The following CNTN1 variants were observed in gnomAD, a reference collection of about 807,000 sequenced individuals.
CNTN1 encodes the protein contactin-1.
Under a neutral mutation model 126.4 loss-of-function variants are expected in CNTN1, and 38 were observed. The observed-to-expected ratio is 0.30, with a 90% confidence interval of 0.23 to 0.39. The LOEUF (loss-of-function observed/expected upper bound fraction) is 0.39. Among genes scored for constraint, CNTN1 ranks in the 10% least tolerant of loss-of-function variants. CNTN1 has a pLI of 1.00. For synonymous variants in CNTN1, 413 were observed against 422.6 expected (o/e 0.98, Z 0.28); for missense variants, 1,009 against 1,248.4 (o/e 0.81, Z 2.89).
At chr12:40,721,327 G>C (rs1942204665) in intron 1 of CNTN1, among the ~76,000 whole-genome samples, 1 of 151,940 alleles carries the variant, frequency 6.6e-6, no homozygotes, top group African/African-American at 2.4e-5. Context: ...ATAAAAATAG[G>C]CAGGACCACC....
At chr12:40,715,518 A>C (rs1942027575) in intron 1 of CNTN1, among the ~76,000 whole-genome samples, 1 of 152,194 alleles carries the variant, frequency 6.6e-6, no homozygotes, top group Non-Finnish European at 1.5e-5. Flanking sequence ...TTGATATTAA[A>C]AAACAACTAA....
intron 1 of CNTN1, among the ~76,000 whole-genome samples, chr12:40,705,897 AT>A (rs1317429944): frequency 2.0e-5 from 3 of 151,896 alleles, no homozygotes; most frequent in Non-Finnish European, 4.4e-5. Context: ...GAGGTGCTGC[AT>A]GCTTTAACAA....
intron 1 of CNTN1, among the ~76,000 whole-genome samples, chr12:40,722,168 G>T (rs908406341): frequency 2.0e-5 from 3 of 152,064 alleles, no homozygotes; most frequent in Non-Finnish European, 4.4e-5. Context: ...TTATAATATG[G>T]AAATTCAAAC....
At chr12:40,882,430 G>A (rs1008257272) in intron 1 of CNTN1, among the ~76,000 whole-genome samples, 1 of 151,692 alleles carries the variant, frequency 6.6e-6, no homozygotes, top group Admixed American at 6.6e-5. Context: ...AGTCATTCCA[G>A]TATGAAAATA....
chr12:40,767,135 T>C (rs967528681), intron 1 of CNTN1, among the ~76,000 whole-genome samples: 9 of 152,072 alleles, frequency 5.9e-5, no homozygotes, highest in African/African-American at 2.2e-4. Context: ...ATATTTTTAA[T>C]ATGATCAAGG....
chr12:40,982,120 G>T (rs1191887640), intron 16 of CNTN1, among the ~76,000 whole-genome samples: 1 of 151,844 alleles, frequency 6.6e-6, no homozygotes, highest in Non-Finnish European at 1.5e-5. Context: ...ATAAACTTGA[G>T]GTCTGTTGCA....
intron 1 of CNTN1, among the ~76,000 whole-genome samples, chr12:40,809,400 G>T (rs1029898647): frequency 2.0e-5 from 3 of 152,090 alleles, no homozygotes; most frequent in Admixed American, 6.5e-5. Context: ...TTAGTTTGGG[G>T]CAGGAAATAA....
rs5797694 is a variant in CNTN1, at chr12:40,980,448, CAAA to C, written c.1805-447_1805-445del. Reference sequence around the variant, plus strand: ...TGGGTGACAGAGTGAGACCCTAACTCAAAAAAAAAAAAAAAAGCCACAAAGAAC... The same window carrying C: ...TGGGTGACAGAGTGAGACCCTAACTCAAAAAAAAAAAAAGCCACAAAGAAC... On this transcript the variant is annotated intron_variant, in intron 15 of 23. Coordinates refer to ENST00000551295, the MANE Select transcript of CNTN1 (RefSeq NM_001843.4). 4.2e-4 allele frequency among the ~76,000 whole-genome samples: 54 copies of C among 128,566 alleles called. 1 individual carries two copies. The highest frequency in any genetic ancestry group is 7.2e-4 in the African/African-American group (24 of 33,548). The allele number at this position is 128,566 out of a possible 152,430, so 84.3% of individuals were successfully genotyped here.
intron 1 of CNTN1, among the ~76,000 whole-genome samples, chr12:40,784,988 G>A (rs1196113688): frequency 6.6e-6 from 1 of 151,920 alleles, no homozygotes; most frequent in Non-Finnish European, 1.5e-5. Flanking sequence ...CTAAATTCAA[G>A]GCATTTCCTA....
intron 3 of CNTN1, among the ~76,000 whole-genome samples, chr12:40,915,543 T>C (rs1945197662): frequency 6.6e-6 from 1 of 152,110 alleles, no homozygotes; most frequent in African/African-American, 2.4e-5. Context: ...ATTTAATCAC[T>C]ACTATATTCC....
At chr12:40,887,710 C>T (rs1288113153) in intron 1 of CNTN1, among the ~76,000 whole-genome samples, 1 of 151,932 alleles carries the variant, frequency 6.6e-6, no homozygotes, top group Non-Finnish European at 1.5e-5. Flanking sequence ...AAGACACATG[C>T]ACACGTATGT....
At chr12:40,865,837 C>T (rs1455613600) in intron 1 of CNTN1, among the ~76,000 whole-genome samples, 1 of 151,922 alleles carries the variant, frequency 6.6e-6, no homozygotes, top group Non-Finnish European at 1.5e-5. Context: ...TTAAGATTGG[C>T]TTGTCAAAAT....
chr12:40,891,890 TA>T (rs1395670616), intron 1 of CNTN1, among the ~76,000 whole-genome samples: 1 of 152,140 alleles, frequency 6.6e-6, no homozygotes, highest in Non-Finnish European at 1.5e-5. Context: ...CTTCTCTATG[TA>T]AACCTTAGAA....
At chr12:40,919,167 TA>T (rs976219981) in intron 4 of CNTN1, among the ~76,000 whole-genome samples, 1 of 152,164 alleles carries the variant, frequency 6.6e-6, no homozygotes, top group Non-Finnish European at 1.5e-5. Context: ...GATAAATTTT[TA>T]TATTAAGTAC....
chr12:40,965,654 C>T (rs572256940), intron 15 of CNTN1, among the ~76,000 whole-genome samples: 21 of 152,188 alleles, frequency 1.4e-4, no homozygotes, highest in African/African-American at 5.1e-4. Flanking sequence ...ATTTGCATGA[C>T]TAGCTCAGGG....
At chr12:40,880,967 A>G (rs542120379) in intron 1 of CNTN1, among the ~76,000 whole-genome samples, 2 of 152,090 alleles carry the variant, frequency 1.3e-5, no homozygotes, top group East Asian at 3.9e-4. Context: ...CTCTTAGCCA[A>G]TCACTGGGGC....
At chr12:40,730,488 C>T (rs754211649) in intron 1 of CNTN1, among the ~76,000 whole-genome samples, 1 of 152,110 alleles carries the variant, frequency 6.6e-6, no homozygotes, top group Non-Finnish European at 1.5e-5. Flanking sequence ...ATGTAACTGT[C>T]CATGGTATCC....
intron 1 of CNTN1, among the ~76,000 whole-genome samples, chr12:40,798,395 CT>C (rs1305845410): frequency 2.6e-5 from 4 of 151,918 alleles, no homozygotes; most frequent in South Asian, 4.2e-4. Context: ...CAACTAAAGA[CT>C]TTTTTTCAGA....
At chr12:40,743,528 A>G (rs1276382697) in intron 1 of CNTN1, among the ~76,000 whole-genome samples, 3 of 152,110 alleles carry the variant, frequency 2.0e-5, no homozygotes, top group Non-Finnish European at 4.4e-5. Context: ...AAATTAGGTA[A>G]CAAAGGCTAA....
Sources: gnomAD v4.1 joint callset for allele counts (sites outside exome capture counted in the v4.1 genomes callset) on GRCh38, gnomAD v4.1.1 for gene constraint, MANE v1.5 for transcripts, NCBI Gene and HGNC (gene_info 2026-07-23, HGNC 2026-07-21) for gene names.